Variants in GLRA3 observed in about 807,000 individuals in gnomAD.
GLRA3 encodes the protein glycine receptor alpha 3, also known as glycine receptor subunit alpha-3.
GLRA3 carries 44 observed loss-of-function variants against 60.4 expected under a neutral mutation model. The observed-to-expected ratio is 0.73, with a 90% CI of 0.57 to 0.94. GLRA3 has a LOEUF of 0.94. Among genes scored for constraint, GLRA3 ranks in the 40% least tolerant of loss-of-function variants. The pLI is 0.00. For missense variants in GLRA3, 508 were observed against 564.6 expected (o/e 0.90, Z 1.02); for synonymous variants, 223 against 192.9 (o/e 1.16, Z -1.29).
At chr4:174,721,005 CTT>C (rs1183802289) in intron 4 of GLRA3, among the ~76,000 whole-genome samples, 106 of 100,182 alleles carry the variant, frequency 1.1e-3, no homozygotes, top group African/African-American at 3.6e-3. Flanking sequence ...ACTGTGTGAA[CTT>C]TGTGTGTGTG....
chr4:174,732,781 A>C (rs140277111), intron 3 of GLRA3, among the ~76,000 whole-genome samples: 3,354 of 149,962 alleles, frequency 0.022, 62 homozygotes, highest in African/African-American at 0.053. Flanking sequence ...CTCTCTCTAT[A>C]TATATATATA....
At chr4:174,734,732 C>T (rs1292901785) in intron 3 of GLRA3, among the ~76,000 whole-genome samples, 1 of 152,152 alleles carries the variant, frequency 6.6e-6, no homozygotes, top group African/African-American at 2.4e-5. Flanking sequence ...TTAGTAACCT[C>T]TGCGTAAATA....
intron 5 of GLRA3, among the ~76,000 whole-genome samples, chr4:174,686,549 G>A (rs1213057522): frequency 6.6e-6 from 1 of 152,210 alleles, no homozygotes; most frequent in Non-Finnish European, 1.5e-5. Flanking sequence ...TACTTATTGA[G>A]TACCAACTGT....
At chr4:174,677,784 C>T (rs572765822) in intron 6 of GLRA3, among the ~76,000 whole-genome samples, 114 of 152,216 alleles carry the variant, frequency 7.5e-4, no homozygotes, top group African/African-American at 2.6e-3. Context: ...GTAAAGAGAG[C>T]GTACTCTTTT....
At chr4:174,681,535 C>T (rs1312642293) in intron 6 of GLRA3, among the ~76,000 whole-genome samples, 1 of 152,040 alleles carries the variant, frequency 6.6e-6, no homozygotes, top group African/African-American at 2.4e-5. Flanking sequence ...ACTCTGGAGG[C>T]AGAGACTGAA....
chr4:174,762,947 T>C lies in GLRA3; in HGVS notation c.267+4016A>G, dbSNP rs143557532. Among the ~76,000 whole-genome samples, 177 of 152,294 alleles carry C rather than the reference T, an allele frequency of 1.2e-3. 1 individual carries two copies. Among genetic ancestry groups the C allele is most frequent in the Non-Finnish European group, 2.0e-3 (138 of 68,008 alleles). On this transcript the variant is annotated intron_variant, in intron 3 of 9. Transcript: ENST00000274093. ...TCTATCAGAATTCAGAAGTCTTTTA[T>C]CATCAGAATTGATTTTTTCATGTTA...
chr4:174,821,946 C>T (rs754478163), intron 1 of GLRA3, among the ~76,000 whole-genome samples: 1 of 152,148 alleles, frequency 6.6e-6, no homozygotes, highest in Non-Finnish European at 1.5e-5. Flanking sequence ...ATGTGACAGA[C>T]AGGCAGATGT....
At chr4:174,749,208 C>G (rs1737365711) in intron 3 of GLRA3, among the ~76,000 whole-genome samples, 1 of 152,134 alleles carries the variant, frequency 6.6e-6, no homozygotes, top group South Asian at 2.1e-4. Flanking sequence ...CTTCCTGATT[C>G]AGGCAAGGGT....
intron 5 of GLRA3, among the ~76,000 whole-genome samples, chr4:174,690,606 A>G (rs1395134998): frequency 6.6e-6 from 1 of 152,206 alleles, no homozygotes; most frequent in African/African-American, 2.4e-5. Context: ...TTCATCACCT[A>G]GGTATTAAGT....
At chr4:174,801,542 A>T (rs887112704) in intron 1 of GLRA3, among the ~76,000 whole-genome samples, 1 of 152,042 alleles carries the variant, frequency 6.6e-6, no homozygotes, top group Non-Finnish European at 1.5e-5. Flanking sequence ...TATTCTTCCA[A>T]TTCTCAAGAT....
At chr4:174,751,961 G>A (rs1032898115) in intron 3 of GLRA3, among the ~76,000 whole-genome samples, 1 of 152,046 alleles carries the variant, frequency 6.6e-6, no homozygotes, top group Non-Finnish European at 1.5e-5. Flanking sequence ...ATGAAAAAAA[G>A]TGTTGAGAAA....
chr4:174,724,691 A>G (rs1192419892), intron 4 of GLRA3, among the ~76,000 whole-genome samples: 1 of 151,918 alleles, frequency 6.6e-6, no homozygotes, highest in East Asian at 1.9e-4. Context: ...CTTTGACCAT[A>G]CTTTCCAGGC....
chr4:174,805,298 C>T (rs977333337), intron 1 of GLRA3, among the ~76,000 whole-genome samples: 3 of 151,944 alleles, frequency 2.0e-5, no homozygotes, highest in Non-Finnish European at 4.4e-5. Flanking sequence ...GTTCAATTTC[C>T]CTCCTCTTGA....
chr4:174,688,974 G>A (rs1433612936), intron 5 of GLRA3, among the ~76,000 whole-genome samples: 2 of 152,086 alleles, frequency 1.3e-5, no homozygotes, highest in Non-Finnish European at 2.9e-5. Context: ...TAATGGAATT[G>A]TCTGATCATA....
chr4:174,806,252 T>C (rs1391020403), intron 1 of GLRA3, among the ~76,000 whole-genome samples: 1 of 152,086 alleles, frequency 6.6e-6, no homozygotes, highest in Non-Finnish European at 1.5e-5. Context: ...CGTAAGACTT[T>C]CAAAAAAACA....
chr4:174,770,635 A>G (rs6811349), intron 2 of GLRA3, among the ~76,000 whole-genome samples: 55,973 of 151,900 alleles, frequency 0.37, 10,567 homozygotes, highest in East Asian at 0.53. Flanking sequence ...TCAAACATGT[A>G]TAGAAGTTAA....
chr4:174,671,394 T>C lies in GLRA3; in HGVS notation c.927+5684A>G, dbSNP rs1048050558. On this transcript the variant is annotated intron_variant, in intron 7 of 9. Transcript: ENST00000274093. ...CCTTTAAAATTTAAGGGTTTTTTTT[T>C]AGAAGAATAAGACTGCGTATTTGCT... Among the ~76,000 whole-genome samples the C allele has an allele frequency of 3.3e-5, 5 of 152,026 alleles. No homozygotes were observed. The East Asian group carries it at 7.7e-4, about 23-fold the overall frequency.
chr4:174,671,940 C>T (rs1007078551), intron 7 of GLRA3, among the ~76,000 whole-genome samples: 4 of 152,024 alleles, frequency 2.6e-5, no homozygotes, highest in Non-Finnish European at 2.9e-5. Flanking sequence ...TGTGAGCCAC[C>T]GTGCCCAGAC....
intron 4 of GLRA3, among the ~76,000 whole-genome samples, chr4:174,720,131 C>T (rs368468844): frequency 2.1e-4 from 32 of 152,148 alleles, no homozygotes; most frequent in African/African-American, 6.0e-4. Flanking sequence ...CTCTGTACTA[C>T]GAGTAGAAAA....
Sources: allele counts gnomAD v4.1 joint callset (sites outside exome capture counted in the v4.1 genomes callset), GRCh38; gene constraint gnomAD v4.1.1; transcripts MANE v1.5; gene names NCBI Gene and HGNC (gene_info 2026-07-23, HGNC 2026-07-21).